Variants in TMEM87B observed in about 807,000 individuals in gnomAD.
TMEM87B encodes transmembrane protein 87B.
Under a neutral mutation model 80.3 loss-of-function variants are expected in TMEM87B, and 83 were observed. The observed-to-expected ratio is 1.03, with a 90% confidence interval of 0.87 to 1.24. The LOEUF is 1.24. Ranked by LOEUF, TMEM87B falls within the 50% of genes most tolerant of loss-of-function variation. The pLI, the probability that TMEM87B is intolerant of heterozygous loss-of-function variation, is 0.00. For missense variants in TMEM87B, 625 were observed against 674.4 expected, an observed-to-expected ratio of 0.93 and a Z score of 0.81; for synonymous variants, 219 against 230.5, an observed-to-expected ratio of 0.95 and a Z score of 0.45.
Position 112,066,929 on chromosome 2 carries a change from T to C in TMEM87B, c.319-7T>C. 3 of 1,577,588 alleles carry C rather than the reference T, an allele frequency of 1.9e-6. No individual in the cohort carries two copies. The highest frequency in any genetic ancestry group is 2.6e-6 in the Non-Finnish European group (3 of 1,166,898). On this transcript the variant is annotated splice_polypyrimidine_tract_variant and splice_region_variant and intron_variant, in intron 3 of 18. Coordinates refer to ENST00000283206, the MANE Select transcript of TMEM87B (RefSeq NM_032824.3). ...TAAATTATAACATAGAATTTTACCTTATATAGGAGCTGTTCCAAAAACATA... is the reference window on the plus strand; with the variant it reads ...TAAATTATAACATAGAATTTTACCTCATATAGGAGCTGTTCCAAAAACATA...
At chr2:112,066,405 A>C (rs1339793808) in intron 3 of TMEM87B, among the ~76,000 whole-genome samples, 4 of 151,912 alleles carry the variant, frequency 2.6e-5, no homozygotes, top group Admixed American at 2.6e-4. Flanking sequence ...GTGGGAGCCA[A>C]CTCCACTTTT....
At chr2:112,085,215 C>G (rs1427294194) in intron 8 of TMEM87B, among the ~76,000 whole-genome samples, 1 of 152,224 alleles carries the variant, frequency 6.6e-6, no homozygotes, top group Non-Finnish European at 1.5e-5. Context: ...GCCTTTATGA[C>G]CAGCCTCTTT....
Position 112,098,709 on chromosome 2 carries a change from TA to T in TMEM87B, c.1376+12del. The T allele has an allele frequency of 6.2e-7, 1 of 1,611,984 alleles. No individual in the cohort carries two copies. The highest frequency in any genetic ancestry group is 8.5e-7 in the Non-Finnish European group (1 of 1,178,214). On this transcript the variant is annotated intron_variant, in intron 14 of 18. Transcript: ENST00000283206. ...AGCAAACAATCAGAGGTACCTAACATAGGAAATTTCAAGTCGTCAAGGATTT... is the reference window on the plus strand; with the variant it reads ...AGCAAACAATCAGAGGTACCTAACATGGAAATTTCAAGTCGTCAAGGATTT...
In TMEM87B at chr2:112,118,803, T is replaced by C. The variant is rs1680089222; in HGVS notation, c.*2660T>C. On this transcript the variant is annotated 3_prime_UTR_variant, in exon 19 of 19. Coordinates refer to ENST00000283206, the MANE Select transcript of TMEM87B (RefSeq NM_032824.3). The stretch of plus-strand genomic sequence containing the variant: ...AAAAAATGTACATATACATTTTGAG[T>C]TATGTATCCTTTTTTTAAAAAAAAG... 6.6e-6 allele frequency: 1 copy of C among 152,152 alleles called. No individual in the cohort carries two copies. Among genetic ancestry groups the C allele is most frequent in the African/African-American group, 2.4e-5 (1 of 41,436 alleles). 9.4% of individuals were successfully genotyped at this position (152,152 alleles called of 1,614,324 possible).
chr2:112,066,088 T>C (rs1678427175), intron 3 of TMEM87B, among the ~76,000 whole-genome samples: 1 of 152,260 alleles, frequency 6.6e-6, no homozygotes, highest in Non-Finnish European at 1.5e-5. Flanking sequence ...GGAAAAACTT[T>C]TGAAACTATG....
At chr2:112,092,697 G>T (rs959140042) in intron 11 of TMEM87B, among the ~76,000 whole-genome samples, 15 of 152,150 alleles carry the variant, frequency 9.9e-5, no homozygotes, top group Non-Finnish European at 1.2e-4. Context: ...AAGGTTTAGG[G>T]GCTGCAGCCA....
intron 11 of TMEM87B, 93 bp from the exon 12 acceptor site, chr2:112,096,951 G>A: frequency 1.2e-6 from 1 of 816,314 alleles, no homozygotes; most frequent in South Asian, 1.5e-5. Flanking sequence ...ACTGTATTTA[G>A]CAGTACTGAC....
chr2:112,090,379 ATTGGTTGGTTGGTTGGTTGGTTGG>A (rs139232840), intron 10 of TMEM87B, among the ~76,000 whole-genome samples: 14 of 150,112 alleles, frequency 9.3e-5, no homozygotes, highest in African/African-American at 3.4e-4. Flanking sequence ...TCATTGGTTG[ATTGGTTGGTTGGTTGGTTGGTTGG>A]TTGGTTGGTT....
chr2:112,074,432 AT>A (rs750071565), intron 4 of TMEM87B, among the ~76,000 whole-genome samples: 1 of 152,128 alleles, frequency 6.6e-6, no homozygotes, highest in Non-Finnish European at 1.5e-5. Context: ...GAGAGGCTTA[AT>A]GTTAATCTGA....
At chr2:112,082,309 G>A (rs1679022840) in intron 8 of TMEM87B, among the ~76,000 whole-genome samples, 2 of 152,178 alleles carry the variant, frequency 1.3e-5, no homozygotes, top group African/African-American at 4.8e-5. Flanking sequence ...CCGGTCTAGA[G>A]TGCAGTGGTG....
At chr2:112,106,792 C>T (rs9308669) in intron 16 of TMEM87B, among the ~76,000 whole-genome samples, 12 of 152,060 alleles carry the variant, frequency 7.9e-5, no homozygotes, top group South Asian at 4.2e-4. Flanking sequence ...AGTTCTGACA[C>T]GATAGATAAT....
chr2:112,103,359 C>T (rs1048166100), intron 15 of TMEM87B, among the ~76,000 whole-genome samples: 1 of 152,092 alleles, frequency 6.6e-6, no homozygotes, highest in Admixed American at 6.5e-5. Flanking sequence ...ATTAAGCTCT[C>T]AGTTTCCCAG....
chr2:112,083,744 C>A (rs962828790), intron 8 of TMEM87B, among the ~76,000 whole-genome samples: 2 of 152,080 alleles, frequency 1.3e-5, no homozygotes, highest in African/African-American at 4.8e-5. Flanking sequence ...AGATTTTAGG[C>A]CTTGTTGCTG....
At chr2:112,109,793 G>T (rs1370958862) in intron 17 of TMEM87B, among the ~76,000 whole-genome samples, 21 of 106,722 alleles carry the variant, frequency 2.0e-4, no homozygotes, top group Non-Finnish European at 3.5e-5. Context: ...ACGGAGTCTT[G>T]CTCTTTCACC....
intron 2 of TMEM87B, 147 bp from the exon 3 acceptor site, chr2:112,064,013 CTT>C: frequency 1.6e-6 from 1 of 614,206 alleles, no homozygotes; most frequent in Non-Finnish European, 2.7e-6. Context: ...ATCTGTCTCA[CTT>C]TACAGTGACT....
intron 6 of TMEM87B, 137 bp from the exon 7 acceptor site, chr2:112,080,920 C>T: frequency 1.4e-6 from 1 of 692,484 alleles, no homozygotes; most frequent in East Asian, 2.6e-5. Context: ...ACTAATTGTC[C>T]AATACCATGT....
At chr2:112,065,538 G>A (rs940515126) in intron 3 of TMEM87B, among the ~76,000 whole-genome samples, 5 of 151,732 alleles carry the variant, frequency 3.3e-5, no homozygotes, top group African/African-American at 7.3e-5. Flanking sequence ...CCAGCTGTTC[G>A]GGAGGTTTAG....
chr2:112,083,789 A>C (rs933745981), intron 8 of TMEM87B, among the ~76,000 whole-genome samples: 2 of 152,132 alleles, frequency 1.3e-5, no homozygotes, highest in African/African-American at 4.8e-5. Context: ...GGTTTGTTCA[A>C]CTAACATTTA....
At chr2:112,075,373 C>T (rs1248664589) in intron 5 of TMEM87B, among the ~76,000 whole-genome samples, 1 of 152,076 alleles carries the variant, frequency 6.6e-6, no homozygotes, top group Non-Finnish European at 1.5e-5. Flanking sequence ...AAACTTCAGC[C>T]TGGGTGACAG....
Sources: gnomAD v4.1 joint callset for allele counts (sites outside exome capture counted in the v4.1 genomes callset) on GRCh38, gnomAD v4.1.1 for gene constraint, MANE v1.5 for transcripts, NCBI Gene and HGNC (gene_info 2026-07-23, HGNC 2026-07-21) for gene names.